Variants in HECW1 observed in about 807,000 individuals in gnomAD.
The protein encoded by HECW1 is E3 ubiquitin-protein ligase HECW1.
HECW1 carries 61 observed loss-of-function variants against 182.3 expected under a neutral mutation model. That is an observed-to-expected ratio of 0.33 (90% CI 0.27 to 0.41). The LOEUF is 0.41. Among genes scored for constraint, HECW1 ranks in the 10% least tolerant of loss-of-function variants. The pLI, the probability that HECW1 is intolerant of heterozygous loss-of-function variation, is 1.00. For missense variants in HECW1, 1,739 were observed against 2,108.9 expected (o/e 0.82, Z 3.44); for synonymous variants, 859 against 832.6 (o/e 1.03, Z -0.55).
intron 24 of HECW1, among the ~76,000 whole-genome samples, chr7:43,516,197 GC>G (rs1056500384): frequency 3.0e-4 from 45 of 152,222 alleles, no homozygotes; most frequent in African/African-American, 1.1e-3. Context: ...CAGAGTCTTG[GC>G]TGTAGCTTTC....
intron 2 of HECW1, among the ~76,000 whole-genome samples, chr7:43,205,228 C>T (rs1339185821): frequency 1.1e-4 from 17 of 152,042 alleles, no homozygotes; most frequent in Admixed American, 1.1e-3. Context: ...GAATTACAGG[C>T]ACCCACCACC....
intron 2 of HECW1, among the ~76,000 whole-genome samples, chr7:43,177,689 C>T (rs1182905118): frequency 6.6e-6 from 1 of 152,172 alleles, no homozygotes; most frequent in African/African-American, 2.4e-5. Flanking sequence ...AAAATAGCAC[C>T]TACTTCAACC....
In HECW1 at chr7:43,535,985, C is replaced by G. The variant is rs371902700; in HGVS notation, c.4020-5178C>G. Among the ~76,000 whole-genome samples the G allele has an allele frequency of 2.6e-5, 4 of 152,320 alleles. No individual in the cohort carries two copies. In the East Asian group the frequency reaches 7.7e-4, roughly 29 times the overall value. On this transcript the variant is annotated intron_variant, in intron 24 of 29. Coordinates refer to ENST00000395891, the MANE Select transcript of HECW1 (RefSeq NM_015052.5). ...CCAAGGATATGAAAATAACTTATAT[C>G]AGAGTCCAGGAATGTTCCCACAAAC...
chr7:43,463,028 A>C (rs1263567020), intron 13 of HECW1, among the ~76,000 whole-genome samples: 1 of 152,178 alleles, frequency 6.6e-6, no homozygotes, highest in Non-Finnish European at 1.5e-5. Context: ...TTCCATCTGA[A>C]AGTCCAGCAC....
chr7:43,553,399 T>C (rs1376438421), intron 28 of HECW1, among the ~76,000 whole-genome samples: 3 of 152,126 alleles, frequency 2.0e-5, no homozygotes, highest in African/African-American at 7.2e-5. Flanking sequence ...TCTGCCTAGC[T>C]GGGCATGGTG....
At chr7:43,410,399 C>T (rs2075761172) in intron 8 of HECW1, among the ~76,000 whole-genome samples, 1 of 152,066 alleles carries the variant, frequency 6.6e-6, no homozygotes, top group Non-Finnish European at 1.5e-5. Flanking sequence ...GGACCCTATC[C>T]TCATGACTCC....
intron 5 of HECW1, among the ~76,000 whole-genome samples, chr7:43,343,640 C>A (rs1813307157): frequency 6.6e-6 from 1 of 151,716 alleles, no homozygotes; most frequent in Non-Finnish European, 1.5e-5. Context: ...TGTATATGTG[C>A]CACATTTTCT....
In HECW1 at chr7:43,468,990, G is replaced by T. The variant is rs774693537; in HGVS notation, c.2984G>T (p.Arg995Leu). ...ATTCTGAAAGTCCGACGGGATGCTC[G>T]CAATTTTGAACGCTACCAGCACAAC... ...HMILKVRRDA[R>L]NFERYQHNRD... Residue 995 changes from arginine (R) to leucine (L), a missense_variant, in exon 16 of 30, where the codon CGC becomes CTC. Around this residue, in one of 5 missense-constraint regions of HECW1, gnomAD observed 971 missense variants for 1,029.1 expected, o/e 0.94. Coordinates refer to ENST00000395891, the MANE Select transcript of HECW1 (RefSeq NM_015052.5). 6 of 1,614,048 alleles carry T rather than the reference G, an allele frequency of 3.7e-6. No individual in the cohort carries two copies. The Admixed American group carries it at 5.0e-5, about 13-fold the overall frequency.
intron 2 of HECW1, among the ~76,000 whole-genome samples, chr7:43,139,372 T>C (rs993895109): frequency 6.6e-6 from 1 of 152,318 alleles, no homozygotes; most frequent in South Asian, 2.1e-4. Context: ...TGCTACTGGC[T>C]TGGCTCAGAA....
intron 19 of HECW1, 116 bp from the exon 20 acceptor site, chr7:43,500,583 C>T (rs543817544): frequency 5.9e-6 from 5 of 841,070 alleles, no homozygotes; most frequent in East Asian, 2.5e-5. Flanking sequence ...ATACATAGGA[C>T]GTTAGGACAT....
intron 5 of HECW1, 74 bp downstream of exon 5, chr7:43,320,816 C>A: frequency 9.2e-7 from 1 of 1,089,750 alleles, no homozygotes; most frequent in Non-Finnish European, 1.4e-6. Flanking sequence ...TTATTTGTTC[C>A]CGTTGCACTG....
At chr7:43,314,254 G>A (rs904358705) in intron 4 of HECW1, among the ~76,000 whole-genome samples, 3 of 152,210 alleles carry the variant, frequency 2.0e-5, no homozygotes, top group Non-Finnish European at 2.9e-5. Context: ...ACTGAGTGTG[G>A]AACACCTGAG....
intron 2 of HECW1, among the ~76,000 whole-genome samples, chr7:43,191,018 C>T (rs1793871127): frequency 6.6e-6 from 1 of 152,022 alleles, no homozygotes; most frequent in Admixed American, 6.5e-5. Flanking sequence ...CAAGCTATCC[C>T]AGAAATCACA....
intron 26 of HECW1, among the ~76,000 whole-genome samples, chr7:43,543,018 A>G (rs760308077): frequency 5.5e-4 from 84 of 152,328 alleles, no homozygotes; most frequent in Non-Finnish European, 1.0e-3. Flanking sequence ...TCCAAAATAC[A>G]TATATCTCAA....
chr7:43,560,894 C>T (rs578031368), intron 29 of HECW1, among the ~76,000 whole-genome samples: 2 of 152,332 alleles, frequency 1.3e-5, no homozygotes, highest in East Asian at 3.9e-4. Flanking sequence ...TTTCAACACA[C>T]CACCCTTAGG....
At chr7:43,305,585 T>TTTG (rs144135825) in intron 3 of HECW1, among the ~76,000 whole-genome samples, 17,149 of 150,708 alleles carry the variant, frequency 0.11, 2,950 homozygotes, top group African/African-American at 0.38. Context: ...TGGATAGTGT[T>TTTG]TTGTTGTTGT....
intron 2 of HECW1, among the ~76,000 whole-genome samples, chr7:43,151,773 A>G (rs899155931): frequency 1.3e-5 from 2 of 152,184 alleles, no homozygotes; most frequent in South Asian, 4.1e-4. Flanking sequence ...TGTATCCAAC[A>G]TATGTTTATT....
chr7:43,113,837 C>T, intron 1 of HECW1: 1 of 232,966 alleles, frequency 4.3e-6, no homozygotes, highest in Non-Finnish European at 8.5e-6. Context: ...GACGTCCCGG[C>T]CACTTGGCTG....
chr7:43,135,986 T>TTC (rs1283663417), intron 2 of HECW1, among the ~76,000 whole-genome samples: 2 of 151,964 alleles, frequency 1.3e-5, no homozygotes, highest in African/African-American at 4.8e-5. Flanking sequence ...ACACTTTTTT[T>TTC]TTTTTTTACT....
Sources: allele counts gnomAD v4.1 joint callset (sites outside exome capture counted in the v4.1 genomes callset), GRCh38; gene constraint gnomAD v4.1.1; regional missense constraint gnomAD v4.1.1; transcripts MANE v1.5; gene names NCBI Gene and HGNC (gene_info 2026-07-23, HGNC 2026-07-21).